Variants in RAB30 observed in about 807,000 individuals in gnomAD.
RAB30 encodes RAB30, member RAS oncogene family.
A neutral mutation model predicts 25.1 loss-of-function variants in RAB30; 9 were observed. The observed-to-expected ratio is 0.36, with a 90% confidence interval of 0.22 to 0.63. RAB30 has a LOEUF of 0.63. RAB30 is among the 20% of genes least tolerant of loss of function. The pLI is 0.69. For synonymous variants in RAB30, 77 were observed against 86.4 expected, an observed-to-expected ratio of 0.89 and a Z score of 0.60; for missense variants, 140 against 243.5, an observed-to-expected ratio of 0.58 and a Z score of 2.83.
intron 1 of RAB30, among the ~76,000 whole-genome samples, chr11:83,070,801 A>C (rs1858822245): frequency 6.6e-6 from 1 of 152,220 alleles, no homozygotes; most frequent in Non-Finnish European, 1.5e-5. Context: ...GAAGGTTAAC[A>C]GCGCTTCTAA....
intron 1 of RAB30, among the ~76,000 whole-genome samples, chr11:83,014,634 A>AAAGGAAAG (rs1170716552): frequency 7.5e-4 from 84 of 112,710 alleles, no homozygotes; most frequent in Non-Finnish European, 1.2e-3. Context: ...AGAAGTAAGA[A>AAAGGAAAG]AAAGAAAGAA....
At chr11:83,055,010 CA>C (rs1189348832) in intron 1 of RAB30, among the ~76,000 whole-genome samples, 4 of 152,166 alleles carry the variant, frequency 2.6e-5, no homozygotes, top group Non-Finnish European at 5.9e-5. Flanking sequence ...CACTCACCTG[CA>C]AGAAGAAGCG....
At chr11:82,992,246 AG>A (rs1643140687) in intron 3 of RAB30, 2 of 454,084 alleles carry the variant, frequency 4.4e-6, no homozygotes, top group Non-Finnish European at 8.9e-6. Context: ...CCCACAGCCT[AG>A]CTCCTTCTTC....
intron 1 of RAB30, among the ~76,000 whole-genome samples, chr11:83,021,571 A>C (rs1857579697): frequency 6.6e-6 from 1 of 151,914 alleles, no homozygotes; most frequent in Non-Finnish European, 1.5e-5. Context: ...CAGAGGCCAG[A>C]CTCCATGCTC....
chr11:83,045,899 A>C (rs1858223692), intron 1 of RAB30, among the ~76,000 whole-genome samples: 1 of 152,216 alleles, frequency 6.6e-6, no homozygotes, highest in Admixed American at 6.5e-5. Context: ...TCTGGGTTTC[A>C]TGCTCTTCAT....
chr11:82,987,283 A>C, intron 4 of RAB30: 3 of 193,890 alleles, frequency 1.5e-5, no homozygotes, highest in Non-Finnish European at 2.1e-5. Flanking sequence ...TAGAACAGCC[A>C]TTCCTTTCAT....
intron 1 of RAB30, among the ~76,000 whole-genome samples, chr11:83,042,004 T>C (rs1165305525): frequency 6.9e-6 from 1 of 144,472 alleles, no homozygotes; most frequent in Non-Finnish European, 1.5e-5. Flanking sequence ...CACTCCAGCC[T>C]GGGCAACAGA....
chr11:83,032,080 T>C (rs990790803), intron 1 of RAB30, among the ~76,000 whole-genome samples: 17 of 152,150 alleles, frequency 1.1e-4, no homozygotes, highest in Non-Finnish European at 2.2e-4. Context: ...GTGACCATAT[T>C]CCATATGTCC....
intron 1 of RAB30, among the ~76,000 whole-genome samples, chr11:83,067,509 C>T (rs1422067784): frequency 1.3e-5 from 2 of 152,140 alleles, no homozygotes; most frequent in South Asian, 2.1e-4. Flanking sequence ...CTTCCAGGAA[C>T]CTCAAACTCA....
At chr11:83,008,583 A>C (rs527495818) in intron 1 of RAB30, among the ~76,000 whole-genome samples, 1 of 152,308 alleles carries the variant, frequency 6.6e-6, no homozygotes, top group African/African-American at 2.4e-5. Flanking sequence ...TAGTTTCCTA[A>C]GTGTTTTCCA....
intron 1 of RAB30, among the ~76,000 whole-genome samples, chr11:83,024,480 G>A (rs776281100): frequency 2.0e-4 from 30 of 152,186 alleles, no homozygotes; most frequent in Non-Finnish European, 3.1e-4. Flanking sequence ...GCAGTTTTAT[G>A]GAAGGCAATG....
At chr11:83,001,184 GT>G (rs367793045) in intron 1 of RAB30, among the ~76,000 whole-genome samples, 1 of 151,844 alleles carries the variant, frequency 6.6e-6, no homozygotes, top group Non-Finnish European at 1.5e-5. Context: ...TGTTGAATGT[GT>G]TTTTGTTTGT....
At chr11:82,987,444 A>T in intron 4 of RAB30, 143 bp downstream of exon 4, 1 of 765,352 alleles carries the variant, frequency 1.3e-6, no homozygotes, top group Non-Finnish European at 2.0e-6. Flanking sequence ...TTTTCTCTTC[A>T]ATTGCAGAAG....
At chr11:83,057,305 A>G (rs945752268) in intron 1 of RAB30, among the ~76,000 whole-genome samples, 83 of 152,106 alleles carry the variant, frequency 5.5e-4, no homozygotes, top group African/African-American at 1.9e-3. Flanking sequence ...TATTTCAGAC[A>G]GAAGTATATA....
In RAB30 at chr11:82,975,799, TAAGTA is replaced by T. The variant is rs923080892; in HGVS notation, c.*6361_*6365del. ...AATAAATACCTATCCTGACATTCAC[TAAGTA>T]AATAATGACTATCATTTTAATAATC... On this transcript the variant is annotated 3_prime_UTR_variant, in exon 5 of 5. Transcript: ENST00000527633. 5 of 152,202 alleles carry T rather than the reference TAAGTA, an allele frequency of 3.3e-5. No individual in the cohort carries two copies. The highest frequency in any genetic ancestry group is 1.2e-4 in the African/African-American group (5 of 41,468). 9.4% of individuals were successfully genotyped at this position (152,202 alleles called of 1,614,324 possible). A position where few individuals can be genotyped will look rare whatever the true frequency, so the allele number is the denominator to read the frequency against.
At chr11:83,002,791 G>T (rs1010954322) in intron 1 of RAB30, among the ~76,000 whole-genome samples, 2 of 152,084 alleles carry the variant, frequency 1.3e-5, no homozygotes, top group Admixed American at 6.5e-5. Flanking sequence ...GGACTCTGTC[G>T]ATAAATAAAT....
rs1352746824 is a variant in RAB30 at position 82,982,063 on chromosome 11, G to C, written c.*102C>G. 3 of 1,503,450 alleles carry C rather than the reference G, an allele frequency of 2.0e-6. No homozygotes were observed. In the African/African-American group the frequency reaches 4.1e-5, roughly 21 times the overall value. The allele number at this position is 1,503,450 out of a possible 1,614,324, so 93.1% of individuals were successfully genotyped here. A position where few individuals can be genotyped will look rare whatever the true frequency, so the allele number is the denominator to read the frequency against. On this transcript the variant is annotated 3_prime_UTR_variant, in exon 5 of 5. Coordinates refer to ENST00000527633, the MANE Select transcript of RAB30 (RefSeq NM_001286060.2). Reference sequence around the variant, plus strand: ...TAAGCTCAGGAGCCCACAGGAGTCAGAAGGTCAGAGAGCGGGAGCCACAGT... The same window carrying C: ...TAAGCTCAGGAGCCCACAGGAGTCACAAGGTCAGAGAGCGGGAGCCACAGT...
At chr11:83,056,929 T>C (rs766079072) in intron 1 of RAB30, among the ~76,000 whole-genome samples, 10 of 152,176 alleles carry the variant, frequency 6.6e-5, no homozygotes, top group Non-Finnish European at 1.3e-4. Flanking sequence ...TTCCTGACCA[T>C]AATTTTAAAA....
intron 1 of RAB30, among the ~76,000 whole-genome samples, chr11:83,008,495 C>A (rs890908678): frequency 3.9e-5 from 6 of 152,226 alleles, no homozygotes; most frequent in African/African-American, 1.4e-4. Flanking sequence ...GCCATTATTG[C>A]ATCCTTGAAT....
Sources: allele counts gnomAD v4.1 joint callset (sites outside exome capture counted in the v4.1 genomes callset), GRCh38; gene constraint gnomAD v4.1.1; transcripts MANE v1.5; gene names NCBI Gene and HGNC (gene_info 2026-07-23, HGNC 2026-07-21).